The following TBC1D9 variants were observed in gnomAD, a reference collection of about 807,000 sequenced individuals.
TBC1D9 encodes TBC1 domain family member 9A.
Under a neutral mutation model 132.0 loss-of-function variants are expected in TBC1D9, and 63 were observed. The observed-to-expected ratio is 0.48, with a 90% CI of 0.39 to 0.59. TBC1D9 has a LOEUF of 0.59. Ranked by LOEUF, TBC1D9 falls within the 20% of genes least tolerant of loss-of-function variation. The pLI is 0.00. For missense variants in TBC1D9, 1,261 were observed against 1,592.7 expected, an observed-to-expected ratio of 0.79 and a Z score of 3.54; for synonymous variants, 610 against 609.9, an observed-to-expected ratio of 1.00 and a Z score of 0.00.
At chr4:140,631,754 G>T (rs1408680543) in intron 16 of TBC1D9, among the ~76,000 whole-genome samples, 1 of 151,982 alleles carries the variant, frequency 6.6e-6, no homozygotes, top group South Asian at 2.1e-4. Flanking sequence ...CTGCCACCAC[G>T]CCTGGCTAAT....
At chr4:140,690,675 G>A (rs1282236522) in intron 2 of TBC1D9, among the ~76,000 whole-genome samples, 1 of 152,092 alleles carries the variant, frequency 6.6e-6, no homozygotes, top group Non-Finnish European at 1.5e-5. Context: ...ACTGCCAAAA[G>A]GGGTTTTGGA....
In TBC1D9 at chr4:140,634,823, T is replaced by A. The variant is rs557646095; in HGVS notation, c.2506-635A>T. ...GTGTGTGGTCATCCAATTTCACACA[T>A]CTGTGAATAGCTCTAGAAAAATTAT... On this transcript the variant is annotated intron_variant, in intron 15 of 20. Transcript: ENST00000442267. 2.6e-5 allele frequency among the ~76,000 whole-genome samples: 4 copies of A among 152,266 alleles called. No homozygotes were observed. In the East Asian group the frequency reaches 7.7e-4, roughly 29 times the overall value.
At chr4:140,636,789 GAA>G (rs1423681970) in intron 15 of TBC1D9, among the ~76,000 whole-genome samples, 1 of 152,176 alleles carries the variant, frequency 6.6e-6, no homozygotes, top group African/African-American at 2.4e-5. Flanking sequence ...AGAGCCAATT[GAA>G]GTGTTGCAAT....
chr4:140,648,790 C>T (rs1337452115), intron 13 of TBC1D9, among the ~76,000 whole-genome samples: 1 of 152,128 alleles, frequency 6.6e-6, no homozygotes, highest in African/African-American at 2.4e-5. Context: ...TTTCATACCA[C>T]CTTCCCCCAT....
intron 6 of TBC1D9, among the ~76,000 whole-genome samples, chr4:140,674,388 T>G (rs1462683982): frequency 6.6e-6 from 1 of 152,216 alleles, no homozygotes; most frequent in Non-Finnish European, 1.5e-5. Flanking sequence ...GTTCGACTTC[T>G]GTTTGCTATT....
At chr4:140,662,648 T>C (rs1218442536) in intron 9 of TBC1D9, among the ~76,000 whole-genome samples, 1 of 152,208 alleles carries the variant, frequency 6.6e-6, no homozygotes, top group Non-Finnish European at 1.5e-5. Context: ...TGCAGAGTGG[T>C]AAGAGTATTC....
At chr4:140,628,761 G>A (rs1316261523) in intron 16 of TBC1D9, among the ~76,000 whole-genome samples, 4 of 152,138 alleles carry the variant, frequency 2.6e-5, no homozygotes, top group Non-Finnish European at 5.9e-5. Context: ...ATGTGATTGG[G>A]GCACAACATC....
intron 2 of TBC1D9, among the ~76,000 whole-genome samples, chr4:140,698,351 G>A (rs911841271): frequency 6.6e-6 from 1 of 152,082 alleles, no homozygotes; most frequent in African/African-American, 2.4e-5. Context: ...GGGTTTTCCC[G>A]CAGCTCTAAA....
At chr4:140,641,573 C>T (rs564529150) in intron 13 of TBC1D9, among the ~76,000 whole-genome samples, 21 of 151,946 alleles carry the variant, frequency 1.4e-4, no homozygotes, top group African/African-American at 5.1e-4. Flanking sequence ...CCAAAGAGAG[C>T]CTGACCACAG....
intron 13 of TBC1D9, chr4:140,644,838 G>T: frequency 2.4e-6 from 1 of 423,800 alleles, no homozygotes. Context: ...GGTGATCTCT[G>T]GGAATGACCA....
At chr4:140,662,187 C>T in intron 9 of TBC1D9, 80 bp from the exon 10 acceptor site, 1 of 1,122,722 alleles carries the variant, frequency 8.9e-7, no homozygotes, top group Non-Finnish European at 1.4e-6. Flanking sequence ...TATGATTGAA[C>T]TGCTTTACTT....
At chr4:140,703,476 G>A (rs559631692) in intron 1 of TBC1D9, among the ~76,000 whole-genome samples, 1 of 152,132 alleles carries the variant, frequency 6.6e-6, no homozygotes, top group South Asian at 2.1e-4. Flanking sequence ...CTCTGACTCT[G>A]TTATAACCAT....
intron 13 of TBC1D9, chr4:140,643,263 T>G (rs1737038974): frequency 1.5e-6 from 2 of 1,305,280 alleles, no homozygotes; most frequent in Admixed American, 4.0e-5. Flanking sequence ...CTCTGCGATC[T>G]CGCTCAGCAG....
chr4:140,709,242 T>TCA (rs1351887682), intron 1 of TBC1D9, among the ~76,000 whole-genome samples: 194 of 106,800 alleles, frequency 1.8e-3, no homozygotes, highest in African/African-American at 7.8e-3. Flanking sequence ...TCTCTCTCTC[T>TCA]CTCTCTCACA....
At chr4:140,694,880 A>T (rs1386203134) in intron 2 of TBC1D9, among the ~76,000 whole-genome samples, 2 of 152,018 alleles carry the variant, frequency 1.3e-5, no homozygotes, top group Non-Finnish European at 2.9e-5. Context: ...TGCAATAAAC[A>T]TGTATTGCTT....
At chr4:140,751,218 G>A (rs1327183914) in intron 1 of TBC1D9, among the ~76,000 whole-genome samples, 2 of 152,112 alleles carry the variant, frequency 1.3e-5, no homozygotes, top group African/African-American at 4.8e-5. Context: ...ACAGTGTGGT[G>A]TTGGTGCAAG....
chr4:140,643,494 TC>T, intron 13 of TBC1D9: 1 of 878,070 alleles, frequency 1.1e-6, no homozygotes, highest in Non-Finnish European at 1.9e-6. Flanking sequence ...AGGCACGGCC[TC>T]CCGGGGCTCC....
chr4:140,700,551 G>A (rs1159162092), intron 2 of TBC1D9, among the ~76,000 whole-genome samples: 1 of 151,990 alleles, frequency 6.6e-6, no homozygotes, highest in Non-Finnish European at 1.5e-5. Context: ...TGGGTGCAGT[G>A]GCTCACACCT....
At chr4:140,683,849 T>A (rs1224619042) in intron 3 of TBC1D9, among the ~76,000 whole-genome samples, 4 of 152,252 alleles carry the variant, frequency 2.6e-5, no homozygotes, top group Non-Finnish European at 5.9e-5. Context: ...CCAAATTTTG[T>A]AATCTATCCC....
Sources: gnomAD v4.1 joint callset for allele counts (sites outside exome capture counted in the v4.1 genomes callset) on GRCh38, gnomAD v4.1.1 for gene constraint, MANE v1.5 for transcripts, NCBI Gene and HGNC (gene_info 2026-07-23, HGNC 2026-07-21) for gene names.